The following FAM78B variants were observed in gnomAD, a reference collection of about 807,000 sequenced individuals.
The protein encoded by FAM78B is protein FAM78B.
Under a neutral mutation model 20.0 loss-of-function variants are expected in FAM78B, and 10 were observed. The ratio of observed to expected loss-of-function variants is 0.50; its 90% CI spans 0.31 to 0.85. The LOEUF (loss-of-function observed/expected upper bound fraction) is 0.85, where lower values mean the gene tolerates loss of function less well. FAM78B is among the 40% of genes least tolerant of loss of function. The pLI is 0.05. For missense variants in FAM78B, 283 were observed against 345.0 expected (o/e 0.82, Z 1.42); for synonymous variants, 135 against 132.8 (o/e 1.02, Z -0.12).
At chr1:166,121,612 C>T (rs973321014) in intron 1 of FAM78B, among the ~76,000 whole-genome samples, 1 of 152,168 alleles carries the variant, frequency 6.6e-6, no homozygotes, top group African/African-American at 2.4e-5. Context: ...GTGGTAATGA[C>T]CTTTGATAGC....
At chr1:166,089,641 T>C (rs1338119521) in intron 1 of FAM78B, among the ~76,000 whole-genome samples, 1 of 151,778 alleles carries the variant, frequency 6.6e-6, no homozygotes, top group East Asian at 1.9e-4. Context: ...AGCCTTGTGA[T>C]GGAGTTTTGT....
rs78467691 is a variant in FAM78B at position 166,076,441 on chromosome 1, T to A, written c.264-5678A>T. Among the ~76,000 whole-genome samples the A allele has an allele frequency of 6.7e-4, 102 of 152,274 alleles. 3 individuals carry two copies. In the East Asian group the frequency reaches 0.019, roughly 28 times the overall value. ...GAAAGGCTTGCTCCCTTGCCTCCCT[T>A]ATTCTTGGCCCAAATACCACGTTCT... On this transcript the variant is annotated intron_variant, in intron 1 of 1. Coordinates refer to ENST00000354422, the MANE Select transcript of FAM78B (RefSeq NM_001017961.5).
chr1:166,157,042 G>A (rs376681038), intron 1 of FAM78B, among the ~76,000 whole-genome samples: 3 of 106,460 alleles, frequency 2.8e-5, no homozygotes, highest in Middle Eastern at 4.3e-3. Flanking sequence ...GCGGAGGGGG[G>A]GGGGGGGCTC....
chr1:166,059,248 C>T (rs1651477268), exon 3 of FAM78B: 1 of 152,738 alleles, frequency 6.5e-6, no homozygotes, highest in Non-Finnish European at 1.5e-5. Context: ...GCCCCCTCTC[C>T]AGGGATCTGC....
chr1:166,153,124 C>CA (rs1655747517), intron 1 of FAM78B, among the ~76,000 whole-genome samples: 1 of 152,204 alleles, frequency 6.6e-6, no homozygotes, highest in African/African-American at 2.4e-5. Flanking sequence ...CCCAGCCAGG[C>CA]TTGGAGGCAA....
At chr1:166,098,338 C>T (rs541583614) in intron 1 of FAM78B, among the ~76,000 whole-genome samples, 12 of 152,112 alleles carry the variant, frequency 7.9e-5, no homozygotes, top group East Asian at 7.8e-4. Flanking sequence ...AGCCCTGCCC[C>T]GCCGCCTCCA....
chr1:166,151,064 C>A (rs570574096), intron 1 of FAM78B, among the ~76,000 whole-genome samples: 30 of 152,286 alleles, frequency 2.0e-4, no homozygotes, highest in Admixed American at 3.9e-4. Context: ...GAGAGATTCA[C>A]CTCAGTTCTG....
rs1345223855 is a variant in FAM78B at position 166,070,159 on chromosome 1, CTGTT to C, written c.*78_*81del. Reference sequence around the variant, plus strand: ...AGAGGTCTGCTTTGGCTCAGAAACTCTGTTTGGCTCCTGCCACCCCTGGCACCCT... The same window carrying C: ...AGAGGTCTGCTTTGGCTCAGAAACTCTGGCTCCTGCCACCCCTGGCACCCT... On this transcript the variant is annotated 3_prime_UTR_variant, in exon 2 of 2. Coordinates refer to ENST00000354422, the MANE Select transcript of FAM78B (RefSeq NM_001017961.5). 5.6e-6 allele frequency: 8 copies of C among 1,432,186 alleles called. No individual in the cohort carries two copies. The highest frequency in any genetic ancestry group is 7.4e-6 in the Non-Finnish European group (8 of 1,087,884). The allele number at this position is 1,432,186 out of a possible 1,614,324, so 88.7% of individuals were successfully genotyped here. A position where few individuals can be genotyped will look rare whatever the true frequency, so the allele number is the denominator to read the frequency against.
intron 1 of FAM78B, among the ~76,000 whole-genome samples, chr1:166,089,352 C>T (rs577099762): frequency 1.2e-4 from 19 of 152,276 alleles, no homozygotes; most frequent in African/African-American, 4.6e-4. Flanking sequence ...ACCACAGCCT[C>T]GGATATAGTG....
chr1:166,105,344 A>C (rs1202918707), intron 1 of FAM78B, among the ~76,000 whole-genome samples: 1 of 152,122 alleles, frequency 6.6e-6, no homozygotes, highest in African/African-American at 2.4e-5. Flanking sequence ...CAAAAGCCAA[A>C]ATTGACAAAT....
intron 1 of FAM78B, among the ~76,000 whole-genome samples, chr1:166,107,467 T>C (rs1653830843): frequency 6.6e-6 from 1 of 152,028 alleles, no homozygotes; most frequent in Admixed American, 6.6e-5. Context: ...TTAGATACCC[T>C]GAACAGACCA....
intron 1 of FAM78B, among the ~76,000 whole-genome samples, chr1:166,104,936 G>A (rs975963255): frequency 2.6e-5 from 4 of 152,160 alleles, no homozygotes; most frequent in Non-Finnish European, 4.4e-5. Context: ...GAGGCATCAT[G>A]CTACCTGACT....
At chr1:166,140,253 T>C (rs1469090905) in intron 1 of FAM78B, among the ~76,000 whole-genome samples, 2 of 152,262 alleles carry the variant, frequency 1.3e-5, no homozygotes, top group Non-Finnish European at 2.9e-5. Flanking sequence ...ATGCGGCTTC[T>C]AAGCGTCCTG....
At chr1:166,080,321 C>T (rs1652513643) in intron 1 of FAM78B, among the ~76,000 whole-genome samples, 1 of 149,830 alleles carries the variant, frequency 6.7e-6, no homozygotes, top group East Asian at 2.0e-4. Flanking sequence ...CTTTGGCCAC[C>T]CAGGTTCCTC....
In FAM78B at chr1:166,165,944, G is replaced by C. The variant is rs754197523; in HGVS notation, c.263+42C>G. 1.6e-5 allele frequency: 26 copies of C among 1,611,996 alleles called. No homozygotes were observed. In the Admixed American group the frequency reaches 3.0e-4, roughly 19 times the overall value. On this transcript the variant is annotated intron_variant, in intron 1 of 1. Transcript: ENST00000354422. The stretch of plus-strand genomic sequence containing the variant: ...GGGTCAAGGTGGCAAGCAGAGCTGG[G>C]GGCCCAGAGTCCGCTCCCGTGCCGC...
At chr1:166,064,565 C>G (rs188804591), downstream of FAM78B, among the ~76,000 whole-genome samples, 55 of 152,212 alleles carry the variant, frequency 3.6e-4, no homozygotes, top group African/African-American at 1.3e-3. Context: ...ATCTTTCTTT[C>G]CTTGACCACC....
intron 1 of FAM78B, among the ~76,000 whole-genome samples, chr1:166,156,982 A>G (rs576390419): frequency 2.4e-5 from 3 of 126,670 alleles, no homozygotes; most frequent in Non-Finnish European, 4.7e-5. Flanking sequence ...TCTACAGCTT[A>G]GAGGAGAACA....
In FAM78B at chr1:166,077,843, AT is replaced by A. The variant is rs1357793282; in HGVS notation, c.264-7081del. Among the ~76,000 whole-genome samples, 171 of 124,072 alleles carry A rather than the reference AT, an allele frequency of 1.4e-3. 12 individuals are homozygous for A. Among genetic ancestry groups the A allele is most frequent in the African/African-American group, 5.2e-3 (162 of 31,096 alleles). The allele number at this position is 124,072 out of a possible 152,430, so 81.4% of individuals were successfully genotyped here. A position where few individuals can be genotyped will look rare whatever the true frequency, so the allele number is the denominator to read the frequency against. On this transcript the variant is annotated intron_variant, in intron 1 of 1. Transcript: ENST00000354422. Reference sequence around the variant, plus strand: ...ATATATAAATATATATAATTTATATATATAATAATATATATAATTTATATAT... The same window carrying A: ...ATATATAAATATATATAATTTATATAATAATAATATATATAATTTATATAT...
intron 1 of FAM78B, among the ~76,000 whole-genome samples, chr1:166,108,973 T>C (rs1049046423): frequency 7.2e-5 from 11 of 152,164 alleles, no homozygotes; most frequent in Non-Finnish European, 7.4e-5. Context: ...AGAATGAAAC[T>C]GGATCCTTAT....
Sources: allele counts gnomAD v4.1 joint callset (sites outside exome capture counted in the v4.1 genomes callset), GRCh38; gene constraint gnomAD v4.1.1; transcripts MANE v1.5; gene names NCBI Gene and HGNC (gene_info 2026-07-23, HGNC 2026-07-21).